FBXW7: variants seen among roughly 807,000 people sequenced by gnomAD.
FBXW7 encodes F-box/WD repeat-containing protein 7.
In FBXW7, 11 loss-of-function variants were observed where a neutral mutation model predicts 86.3. The observed-to-expected ratio is 0.13, with a 90% confidence interval of 0.08 to 0.21. The LOEUF (loss-of-function observed/expected upper bound fraction) is 0.21, where lower values mean the gene tolerates loss of function less well. Among genes scored for constraint, FBXW7 ranks in the 10% least tolerant of loss-of-function variants. The pLI, the probability that FBXW7 is intolerant of heterozygous loss-of-function variation, is 1.00. For synonymous variants in FBXW7, 313 were observed against 297.9 expected, an observed-to-expected ratio of 1.05 and a Z score of -0.52; for missense variants, 488 against 847.4, an observed-to-expected ratio of 0.58 and a Z score of 5.27.
intron 12 of FBXW7, chr4:152,325,777 C>T: frequency 2.2e-6 from 1 of 459,188 alleles, no homozygotes. Flanking sequence ...GGTTGCAAAA[C>T]AAATATTTGT....
intron 4 of FBXW7, among the ~76,000 whole-genome samples, chr4:152,356,917 T>C (rs866191727): frequency 6.6e-6 from 1 of 152,198 alleles, no homozygotes; most frequent in South Asian, 2.1e-4. Flanking sequence ...GCACAGAATA[T>C]TATATACATC....
In FBXW7 at chr4:152,394,194, T is replaced by TA. The variant is rs148171474; in HGVS notation, c.501+17108dup. Among the ~76,000 whole-genome samples, 568 of 152,230 alleles carry TA rather than the reference T, an allele frequency of 3.7e-3. 3 individuals are homozygous for TA. Among genetic ancestry groups the TA allele is most frequent in the African/African-American group, 0.013 (543 of 41,566 alleles). ...AATCATCTCTTCACTGTGAAAAACTTAGATATTTTCTGTAGTATCAAGCAG... is the reference window on the plus strand; with the variant it reads ...AATCATCTCTTCACTGTGAAAAACTTAAGATATTTTCTGTAGTATCAAGCAG... On this transcript the variant is annotated intron_variant, in intron 4 of 13. Transcript: ENST00000281708.
chr4:152,375,883 T>C (rs1286813233), intron 4 of FBXW7, among the ~76,000 whole-genome samples: 1 of 152,014 alleles, frequency 6.6e-6, no homozygotes, highest in African/African-American at 2.4e-5. Context: ...CTGTGTACAG[T>C]GATGTGGTTA....
intron 4 of FBXW7, among the ~76,000 whole-genome samples, chr4:152,381,291 A>G (rs1344883843): frequency 6.6e-6 from 1 of 152,102 alleles, no homozygotes; most frequent in Non-Finnish European, 1.5e-5. Context: ...CCCTTTAGCT[A>G]AAAGAAAAAG....
intron 2 of FBXW7, among the ~76,000 whole-genome samples, chr4:152,512,731 T>C (rs1748094030): frequency 6.6e-6 from 1 of 152,178 alleles, no homozygotes; most frequent in African/African-American, 2.4e-5. Context: ...GCCAGGAGAC[T>C]GCGCAAAGAG....
intron 6 of FBXW7, among the ~76,000 whole-genome samples, chr4:152,341,802 C>A (rs983595581): frequency 1.3e-5 from 2 of 152,124 alleles, no homozygotes; most frequent in African/African-American, 4.8e-5. Flanking sequence ...TGACTATCTA[C>A]GTGTGTATGT....
intron 2 of FBXW7, among the ~76,000 whole-genome samples, chr4:152,416,305 T>C (rs1457726323): frequency 1.3e-5 from 2 of 152,196 alleles, no homozygotes; most frequent in Non-Finnish European, 2.9e-5. Flanking sequence ...TTTTTTAAAG[T>C]TGTACTCTGT....
chr4:152,451,064 T>C (rs1448312389), intron 2 of FBXW7, among the ~76,000 whole-genome samples: 1 of 152,156 alleles, frequency 6.6e-6, no homozygotes, highest in Non-Finnish European at 1.5e-5. Flanking sequence ...TGCAGATAGA[T>C]GGAGCTGGAA....
chr4:152,421,842 T>C (rs974170005), intron 2 of FBXW7, among the ~76,000 whole-genome samples: 1 of 152,186 alleles, frequency 6.6e-6, no homozygotes, highest in Non-Finnish European at 1.5e-5. Flanking sequence ...ACATACAACA[T>C]TTATTAAGTT....
chr4:152,361,965 C>CAAAA (rs569330155), intron 4 of FBXW7, among the ~76,000 whole-genome samples: 7 of 37,018 alleles, frequency 1.9e-4, no homozygotes, highest in Admixed American at 2.5e-4. Context: ...GACTCCATCT[C>CAAAA]AAAAAAAAAA....
intron 4 of FBXW7, among the ~76,000 whole-genome samples, chr4:152,409,865 T>C (rs963695809): frequency 2.0e-4 from 31 of 152,162 alleles, no homozygotes; most frequent in African/African-American, 6.8e-4. Flanking sequence ...TACAGGACAA[T>C]AATTGTTATT....
At chr4:152,418,127 CCACACA>C (rs3047865) in intron 2 of FBXW7, among the ~76,000 whole-genome samples, 1,802 of 143,914 alleles carry the variant, frequency 0.013, 9 homozygotes, top group Middle Eastern at 0.018. Flanking sequence ...ACAGCTCTTA[CCACACA>C]CACACACACA....
intron 2 of FBXW7, among the ~76,000 whole-genome samples, chr4:152,506,679 C>T (rs1034130766): frequency 2.6e-5 from 4 of 152,158 alleles, no homozygotes; most frequent in Admixed American, 2.6e-4. Context: ...TTCCCTACCC[C>T]CACAACCTGA....
At chr4:152,374,916 C>T (rs567826111) in intron 4 of FBXW7, among the ~76,000 whole-genome samples, 2 of 151,694 alleles carry the variant, frequency 1.3e-5, no homozygotes, top group Admixed American at 6.6e-5. Context: ...GCTTTTAAAA[C>T]GTTTTATATT....
rs1467575105 is a variant in FBXW7 at position 152,535,829 on chromosome 4, CGGCTCT to C, written c.-921_-916del. 5.1e-6 allele frequency: 2 copies of C among 392,366 alleles called. No individual in the cohort carries two copies. Among genetic ancestry groups the C allele is most frequent in the African/African-American group, 2.1e-5 (1 of 48,162 alleles). The allele number at this position is 392,366 out of a possible 1,614,324, so 24.3% of individuals were successfully genotyped here. A position where few individuals can be genotyped will look rare whatever the true frequency, so the allele number is the denominator to read the frequency against. ...CCGGCTCCGGCTCAGGCTCGGGCTC[CGGCTCT>C]GGCTCCGGCTCCGGCGTGTGCAGCC... On this transcript the variant is annotated 5_prime_UTR_variant, in exon 1 of 14. Coordinates refer to ENST00000281708, the MANE Select transcript of FBXW7 (RefSeq NM_001349798.2).
At chr4:152,436,827 C>T (rs1319263323) in intron 2 of FBXW7, among the ~76,000 whole-genome samples, 1 of 152,222 alleles carries the variant, frequency 6.6e-6, no homozygotes, top group Admixed American at 6.5e-5. Context: ...CAAGACTTTA[C>T]TAGACATTTT....
chr4:152,389,712 T>G (rs1026375466), intron 4 of FBXW7, among the ~76,000 whole-genome samples: 2 of 152,004 alleles, frequency 1.3e-5, no homozygotes, highest in African/African-American at 4.8e-5. Context: ...CACCACTATG[T>G]AATATATCCA....
At chr4:152,460,514 CTGGT>C (rs1257774097) in intron 2 of FBXW7, among the ~76,000 whole-genome samples, 2 of 152,268 alleles carry the variant, frequency 1.3e-5, no homozygotes, top group East Asian at 3.9e-4. Context: ...TGGTGGCTGG[CTGGT>C]GAAAATTTCC....
intron 2 of FBXW7, among the ~76,000 whole-genome samples, chr4:152,430,192 G>C (rs547445181): frequency 6.6e-6 from 1 of 152,286 alleles, no homozygotes; most frequent in African/African-American, 2.4e-5. Context: ...TGAGTTTAGT[G>C]GTAAAATCCT....
Sources: allele counts gnomAD v4.1 joint callset (sites outside exome capture counted in the v4.1 genomes callset), GRCh38; gene constraint gnomAD v4.1.1; transcripts MANE v1.5; gene names NCBI Gene and HGNC (gene_info 2026-07-23, HGNC 2026-07-21).